TAOK1: variants seen among roughly 807,000 people sequenced by gnomAD.
TAOK1 encodes the protein serine/threonine-protein kinase TAO1.
Under a neutral mutation model 138.3 loss-of-function variants are expected in TAOK1, and 21 were observed. The observed-to-expected ratio is 0.15, with a 90% CI of 0.11 to 0.22. The LOEUF (loss-of-function observed/expected upper bound fraction) is 0.22. TAOK1 is among the 10% of genes least tolerant of loss of function. The pLI is 1.00. For missense variants in TAOK1, 651 were observed against 1,227.7 expected, an observed-to-expected ratio of 0.53 and a Z score of 7.02; for synonymous variants, 361 against 398.4, an observed-to-expected ratio of 0.91 and a Z score of 1.12.
In TAOK1 at chr17:29,546,213, A is replaced by T. The variant is rs1387120833; in HGVS notation, c.*3191A>T. On this transcript the variant is annotated 3_prime_UTR_variant, in exon 20 of 20. Coordinates refer to ENST00000261716, the MANE Select transcript of TAOK1 (RefSeq NM_020791.4). The stretch of plus-strand genomic sequence containing the variant: ...TAGAGATAGAGAGTCTTGTATTTGA[A>T]GCCACACACACTGGTGTAATATGCT... 1 of 152,096 alleles carries T rather than the reference A, an allele frequency of 6.6e-6. No homozygotes were observed. Among genetic ancestry groups the T allele is most frequent in the Non-Finnish European group, 1.5e-5 (1 of 67,962 alleles). 9.4% of individuals were successfully genotyped at this position (152,096 alleles called of 1,614,324 possible).
chr17:29,424,508 G>A (rs1473355905), intron 1 of TAOK1, among the ~76,000 whole-genome samples: 1 of 151,842 alleles, frequency 6.6e-6, no homozygotes, highest in Non-Finnish European at 1.5e-5. Flanking sequence ...ACAAATACTG[G>A]GCAGAGAAAT....
intron 2 of TAOK1, among the ~76,000 whole-genome samples, chr17:29,460,146 C>T (rs538483056): frequency 2.0e-5 from 3 of 152,188 alleles, no homozygotes; most frequent in African/African-American, 2.4e-5. Flanking sequence ...TTAACTTTTT[C>T]AAAATAAAAC....
chr17:29,421,405 G>T lies in TAOK1; in HGVS notation c.-94-30050G>T, dbSNP rs182662395. The stretch of plus-strand genomic sequence containing the variant: ...GATACTGGTTTATAGTTTTCTTGTT[G>T]ATATCTGGTTTTGGTATCATGGTAA... On this transcript the variant is annotated intron_variant, in intron 1 of 19. Transcript: ENST00000261716. 2.5e-4 allele frequency among the ~76,000 whole-genome samples: 38 copies of T among 152,182 alleles called. No homozygotes were observed. In the East Asian group the frequency reaches 5.6e-3, roughly 22 times the overall value.
chr17:29,393,304 C>T (rs1480477760), intron 1 of TAOK1, among the ~76,000 whole-genome samples: 2 of 151,740 alleles, frequency 1.3e-5, no homozygotes, highest in East Asian at 3.9e-4. Context: ...GGCTACAAAA[C>T]TTAAAGGATT....
chr17:29,542,082 T>C (rs1018844778), intron 19 of TAOK1, among the ~76,000 whole-genome samples: 2 of 152,056 alleles, frequency 1.3e-5, no homozygotes, highest in African/African-American at 2.4e-5. Flanking sequence ...TTTCACCATG[T>C]TAGCCAGGAT....
intron 1 of TAOK1, among the ~76,000 whole-genome samples, chr17:29,396,278 T>C (rs777953979): frequency 1.3e-5 from 2 of 152,132 alleles, no homozygotes; most frequent in Non-Finnish European, 2.9e-5. Flanking sequence ...TGTTCTAAAA[T>C]ACAGTCTAAG....
At chr17:29,397,712 T>C (rs920958387) in intron 1 of TAOK1, among the ~76,000 whole-genome samples, 1 of 65,804 alleles carries the variant, frequency 1.5e-5, no homozygotes, top group Non-Finnish European at 2.9e-5. Context: ...CATACATGAA[T>C]ATACATGTAT....
chr17:29,451,535 G>C lies in TAOK1; in HGVS notation c.-14G>C. 1.2e-6 allele frequency: 2 copies of C among 1,603,616 alleles called. No homozygotes were observed. The highest frequency in any genetic ancestry group is 1.7e-6 in the Non-Finnish European group (2 of 1,176,014). Reference sequence around the variant, plus strand: ...GTATAAAATTAGAATCAAGACAGCTGACTGCTCAGCAGGATGCCATCAACT... The same window carrying C: ...GTATAAAATTAGAATCAAGACAGCTCACTGCTCAGCAGGATGCCATCAACT... On this transcript the variant is annotated 5_prime_UTR_variant, in exon 2 of 20. Coordinates refer to ENST00000261716, the MANE Select transcript of TAOK1 (RefSeq NM_020791.4).
Position 29,550,300 on chromosome 17 carries a change from A to G in TAOK1, c.*7278A>G, listed in dbSNP as rs2032468805. The G allele has an allele frequency of 6.6e-6, 1 of 152,220 alleles. No individual in the cohort carries two copies. The highest frequency in any genetic ancestry group is 2.1e-4 in the South Asian group (1 of 4,836). 9.4% of individuals were successfully genotyped at this position (152,220 alleles called of 1,614,324 possible). A position where few individuals can be genotyped will look rare whatever the true frequency, so the allele number is the denominator to read the frequency against. On this transcript the variant is annotated 3_prime_UTR_variant, in exon 20 of 20. Transcript: ENST00000261716. ...AAATAACATTTAAAGTATAGTGCAC[A>G]TAACTTCCCCGGACTGTTCCAATCT...
chr17:29,471,529 G>A (rs187956128), intron 3 of TAOK1, among the ~76,000 whole-genome samples: 1 of 151,704 alleles, frequency 6.6e-6, no homozygotes, highest in African/African-American at 2.4e-5. Flanking sequence ...CCCCCACCTC[G>A]GCCTCCCAAA....
chr17:29,509,383 G>A (rs1306043889), intron 14 of TAOK1, among the ~76,000 whole-genome samples: 1 of 151,776 alleles, frequency 6.6e-6, no homozygotes, highest in African/African-American at 2.4e-5. Context: ...TTTTATTTTA[G>A]TAGAAAAGGG....
chr17:29,397,474 G>A (rs112512698), intron 1 of TAOK1, among the ~76,000 whole-genome samples: 5,289 of 150,770 alleles, frequency 0.035, 286 homozygotes, highest in African/African-American at 0.12. Context: ...ATGGTGGCGC[G>A]CACCTGTAGT....
At chr17:29,534,050 A>C (rs538131684) in intron 18 of TAOK1, 68 bp from the exon 19 acceptor site, 1 of 1,443,278 alleles carries the variant, frequency 6.9e-7, no homozygotes, top group Non-Finnish European at 9.1e-7. Flanking sequence ...CCTCCTTTCC[A>C]TAGGTCATGA....
At chr17:29,502,027 G>A (rs958311208) in intron 12 of TAOK1, among the ~76,000 whole-genome samples, 1 of 152,178 alleles carries the variant, frequency 6.6e-6, no homozygotes, top group African/African-American at 2.4e-5. Flanking sequence ...GTGACAAAGC[G>A]AGATCCTGTC....
chr17:29,448,881 AAG>A (rs961882454), intron 1 of TAOK1, among the ~76,000 whole-genome samples: 11 of 152,168 alleles, frequency 7.2e-5, no homozygotes, highest in African/African-American at 2.7e-4. Context: ...TTGTTTAGGA[AAG>A]AGAGAGTTAA....
At chr17:29,479,268 T>C (rs1168723083) in intron 6 of TAOK1, among the ~76,000 whole-genome samples, 1 of 152,206 alleles carries the variant, frequency 6.6e-6, no homozygotes, top group Non-Finnish European at 1.5e-5. Context: ...TTTTTGGCAC[T>C]GGTATTGGTT....
chr17:29,395,646 CTTTTTTTTTTTT>C (rs10591199), intron 1 of TAOK1, among the ~76,000 whole-genome samples: 2 of 129,762 alleles, frequency 1.5e-5, no homozygotes, highest in Non-Finnish European at 3.2e-5. Context: ...GGTATGTGTA[CTTTTTTTTTTTT>C]TTTTTTTTTT....
At chr17:29,461,592 T>C (rs553549839) in intron 2 of TAOK1, among the ~76,000 whole-genome samples, 1 of 152,224 alleles carries the variant, frequency 6.6e-6, no homozygotes, top group South Asian at 2.1e-4. Flanking sequence ...CAACATAGAT[T>C]GTATGCGGCC....
intron 16 of TAOK1, 89 bp from the exon 17 acceptor site, chr17:29,522,191 T>C: frequency 6.7e-7 from 1 of 1,490,808 alleles, no homozygotes; most frequent in Non-Finnish European, 9.1e-7. Context: ...GTTAATTACA[T>C]CTGTTTACTG....
Sources: gnomAD v4.1 joint callset for allele counts (sites outside exome capture counted in the v4.1 genomes callset) on GRCh38, gnomAD v4.1.1 for gene constraint, MANE v1.5 for transcripts, NCBI Gene and HGNC (gene_info 2026-07-23, HGNC 2026-07-21) for gene names.